The following TMCO4 variants were observed in gnomAD, a reference collection of about 807,000 sequenced individuals.
TMCO4 encodes the protein transmembrane and coiled-coil domain-containing protein 4.
A neutral mutation model predicts 64.7 loss-of-function variants in TMCO4; 58 were observed. That is an observed-to-expected ratio of 0.90 (90% CI 0.73 to 1.12). The LOEUF is 1.12. TMCO4 is among the 50% of genes most tolerant of loss of function. TMCO4 has a pLI of 0.00. For synonymous variants in TMCO4, 325 were observed against 346.1 expected, an observed-to-expected ratio of 0.94 and a Z score of 0.68; for missense variants, 780 against 825.9, an observed-to-expected ratio of 0.94 and a Z score of 0.68.
At chr1:19,722,046 C>A (rs913983237) in intron 13 of TMCO4, among the ~76,000 whole-genome samples, 1 of 152,172 alleles carries the variant, frequency 6.6e-6, no homozygotes, top group African/African-American at 2.4e-5. Context: ...ATTGATCAGT[C>A]CTCTAAATTC....
Position 19,683,286 on chromosome 1 carries a change from G to A in TMCO4, c.1659C>T (p.Gly553=), listed in dbSNP as rs766689067. The A allele has an allele frequency of 1.2e-5, 20 of 1,613,958 alleles. No individual in the cohort carries two copies. Among genetic ancestry groups the A allele is most frequent in the South Asian group, 2.2e-5 (2 of 91,080 alleles). ...PRQAAAAASS[G]ETPHQVGQTQ... is the part of the protein sequence containing the mutation. ...TTTGCCCAACCTGGTGGGGGGTCTCGCCTGATGAGGCGGCAGCTGCTGCCT... is the reference window on the plus strand; with the variant it reads ...TTTGCCCAACCTGGTGGGGGGTCTCACCTGATGAGGCGGCAGCTGCTGCCT... Residue 553 remains glycine (G), a synonymous_variant, in exon 16 of 16, where the codon GGC becomes GGT. Coordinates refer to ENST00000294543, the MANE Select transcript of TMCO4 (RefSeq NM_181719.7).
chr1:19,718,665 A>AAAAAAAAAAAAG (rs1450808804), intron 13 of TMCO4, among the ~76,000 whole-genome samples: 2,015 of 145,558 alleles, frequency 0.014, 118 homozygotes, highest in African/African-American at 0.051. Context: ...AAAAAAAAAA[A>AAAAAAAAAAAAG]AGAGAGAGAG....
intron 13 of TMCO4, among the ~76,000 whole-genome samples, chr1:19,710,241 G>T (rs1024006886): frequency 6.6e-6 from 1 of 151,268 alleles, no homozygotes; most frequent in African/African-American, 2.4e-5. Context: ...CAAGTAACTG[G>T]GACTACAGGT....
At chr1:19,755,592 G>A in intron 7 of TMCO4, 42 bp downstream of exon 7, 1 of 1,611,098 alleles carries the variant, frequency 6.2e-7, no homozygotes, top group Non-Finnish European at 8.5e-7. Context: ...ACACTGAAGT[G>A]GAAATCCTTG....
intron 10 of TMCO4, among the ~76,000 whole-genome samples, chr1:19,741,236 T>C (rs766714881): frequency 7.2e-5 from 11 of 152,226 alleles, no homozygotes; most frequent in Non-Finnish European, 1.3e-4. Context: ...GGGGAGATGG[T>C]TTATCTCCCT....
chr1:19,751,767 G>T (rs558773948), intron 7 of TMCO4, among the ~76,000 whole-genome samples: 84 of 152,298 alleles, frequency 5.5e-4, no homozygotes, highest in African/African-American at 1.8e-3. Flanking sequence ...TTGTTTTGGG[G>T]GCCGGGCGTG....
rs1232993648 is a variant in TMCO4 at position 19,682,579 on chromosome 1, C to CTGG, written c.*458_*460dup. On this transcript the variant is annotated 3_prime_UTR_variant, in exon 16 of 16. Coordinates refer to ENST00000294543, the MANE Select transcript of TMCO4 (RefSeq NM_181719.7). Reference sequence around the variant, plus strand: ...GCTGCCAGTTGATGGTGCCTGTCAGCTGGTGGGCAGCCCTGGAGTGTGGAT... The same window carrying CTGG: ...GCTGCCAGTTGATGGTGCCTGTCAGCTGGTGGTGGGCAGCCCTGGAGTGTGGAT... 9 of 715,638 alleles carry CTGG rather than the reference C, an allele frequency of 1.3e-5. No individual in the cohort carries two copies. The highest frequency in any genetic ancestry group is 2.3e-5 in the Non-Finnish European group (9 of 383,862). 44.3% of individuals were successfully genotyped at this position (715,638 alleles called of 1,614,324 possible).
chr1:19,777,026 C>CAAAAAAAAAAAAAAAAAAA, intron 4 of TMCO4, among the ~76,000 whole-genome samples: 1 of 82,782 alleles, frequency 1.2e-5, no homozygotes, highest in Non-Finnish European at 2.3e-5. Context: ...GACACTGTCT[C>CAAAAAAAAAAAAAAAAAAA]AAAAAAAAAA....
chr1:19,777,779 A>C (rs958726169), intron 4 of TMCO4, among the ~76,000 whole-genome samples: 7 of 152,234 alleles, frequency 4.6e-5, no homozygotes, highest in African/African-American at 1.7e-4. Context: ...ACTGCTGGGC[A>C]TAGTGGCTTG....
intron 15 of TMCO4, among the ~76,000 whole-genome samples, chr1:19,692,427 G>A (rs1262241635): frequency 3.9e-5 from 6 of 152,106 alleles, no homozygotes; most frequent in African/African-American, 1.4e-4. Context: ...GGACAGTAAT[G>A]TCTGTAAAAG....
In TMCO4 at chr1:19,724,535, A is replaced by G. The variant is rs114692002; in HGVS notation, c.1264+12837T>C. ...GTTGTTTGTATATTAGATGAGGGAAAACAGGCAAAGCCCTTAGCATATCAC... is the reference window on the plus strand; with the variant it reads ...GTTGTTTGTATATTAGATGAGGGAAGACAGGCAAAGCCCTTAGCATATCAC... On this transcript the variant is annotated intron_variant, in intron 13 of 15. Coordinates refer to ENST00000294543, the MANE Select transcript of TMCO4 (RefSeq NM_181719.7). Among the ~76,000 whole-genome samples, 1,121 of 152,340 alleles carry G rather than the reference A, an allele frequency of 7.4e-3. 4 individuals are homozygous for G. The highest frequency in any genetic ancestry group is 0.012 in the Non-Finnish European group (811 of 68,028).
chr1:19,744,362 C>A (rs1054060735), intron 10 of TMCO4, among the ~76,000 whole-genome samples: 1 of 152,176 alleles, frequency 6.6e-6, no homozygotes, highest in South Asian at 2.1e-4. Context: ...TTCATGCCAA[C>A]GAGAAACCAC....
At chr1:19,777,850 G>T (rs2043279406) in intron 4 of TMCO4, among the ~76,000 whole-genome samples, 1 of 152,180 alleles carries the variant, frequency 6.6e-6, no homozygotes, top group South Asian at 2.1e-4. Flanking sequence ...GCCAGCCCAG[G>T]CAGCATTGTG....
At position 19,747,060 on chromosome 1, in the gene TMCO4, C is replaced by T. The variant is rs2041825654; in HGVS notation, c.613+103G>A. On this transcript the variant is annotated intron_variant, in intron 8 of 15. Coordinates refer to ENST00000294543, the MANE Select transcript of TMCO4 (RefSeq NM_181719.7). ...ACTACCTACCACATGCCAGGGGCCACCTCCCAGCTGAGCCCCTGCACTCTC... is the reference window on the plus strand; with the variant it reads ...ACTACCTACCACATGCCAGGGGCCATCTCCCAGCTGAGCCCCTGCACTCTC... 4.2e-6 allele frequency: 5 copies of T among 1,191,404 alleles called. No individual in the cohort carries two copies. In the Admixed American group the frequency reaches 6.8e-5, roughly 16 times the overall value. 73.8% of individuals were successfully genotyped at this position (1,191,404 alleles called of 1,614,324 possible). A position where few individuals can be genotyped will look rare whatever the true frequency, so the allele number is the denominator to read the frequency against.
intron 13 of TMCO4, among the ~76,000 whole-genome samples, chr1:19,725,855 G>C (rs3929669): frequency 6.6e-6 from 1 of 152,082 alleles, no homozygotes; most frequent in African/African-American, 2.4e-5. Context: ...GGAGCGGGCC[G>C]AGCACAGCGT....
At chr1:19,749,435 T>C (rs536465371) in intron 7 of TMCO4, among the ~76,000 whole-genome samples, 21 of 152,222 alleles carry the variant, frequency 1.4e-4, no homozygotes, top group African/African-American at 4.1e-4. Context: ...TGGTGGGATC[T>C]TGGCTCACTG....
chr1:19,735,830 G>C (rs1260555507), intron 13 of TMCO4, among the ~76,000 whole-genome samples: 1 of 152,212 alleles, frequency 6.6e-6, no homozygotes, highest in African/African-American at 2.4e-5. Flanking sequence ...GAGCCTGGCA[G>C]ATAGACGGTT....
chr1:19,775,019 T>C (rs1329965566), intron 4 of TMCO4, among the ~76,000 whole-genome samples: 2 of 152,206 alleles, frequency 1.3e-5, no homozygotes, highest in Non-Finnish European at 2.9e-5. Flanking sequence ...CCTTTCATCC[T>C]ACCCCATCTT....
rs760877090 is a variant in TMCO4 at position 19,743,471 on chromosome 1, A to AT, written c.877+2060dup. Among the ~76,000 whole-genome samples, 5 of 152,054 alleles carry AT rather than the reference A, an allele frequency of 3.3e-5. No individual in the cohort carries two copies. Among genetic ancestry groups the AT allele is most frequent in the Non-Finnish European group, 4.4e-5 (3 of 68,008 alleles). ...TCTCGAGGAGGTAGGAATATGTGAT[A>AT]TTTTTTCCTTCTGAAACTTTCTCTA... On this transcript the variant is annotated intron_variant, in intron 10 of 15. Transcript: ENST00000294543. The surrounding 1 kb of genome is among the most constrained non-coding windows in gnomAD (Gnocchi z 4.1).
Sources: allele counts gnomAD v4.1 joint callset (sites outside exome capture counted in the v4.1 genomes callset), GRCh38; gene constraint gnomAD v4.1.1; non-coding constraint Gnocchi (gnomAD v3.1); transcripts MANE v1.5; gene names NCBI Gene and HGNC (gene_info 2026-07-23, HGNC 2026-07-21).